ISM1: variants seen among roughly 807,000 people sequenced by gnomAD.
ISM1 encodes isthmin 1.
ISM1 carries 25 observed loss-of-function variants against 46.3 expected under a neutral mutation model. That is an observed-to-expected ratio of 0.54 (90% CI 0.39 to 0.75). The LOEUF is 0.75. Among genes scored for constraint, ISM1 ranks in the 30% least tolerant of loss-of-function variants. The pLI, the probability that ISM1 is intolerant of heterozygous loss-of-function variation, is 0.00. For missense variants in ISM1, 536 were observed against 625.4 expected, an observed-to-expected ratio of 0.86 and a Z score of 1.52; for synonymous variants, 255 against 256.7, an observed-to-expected ratio of 0.99 and a Z score of 0.06.
At chr20:13,316,691 T>C in the ISM1 span, among the ~76,000 whole-genome samples, 6 of 151,378 alleles carry the variant, frequency 4.0e-5, no homozygotes, top group African/African-American at 1.2e-4. Flanking sequence ...CACATGATCA[T>C]AGAAACAGAT....
chr20:13,279,436 C>T (rs1246328742), intron 2 of ISM1, among the ~76,000 whole-genome samples, 198 bp from the exon 3 acceptor site: 1 of 152,184 alleles, frequency 6.6e-6, no homozygotes, highest in African/African-American at 2.4e-5. Context: ...CAACCCAAAG[C>T]CATGTTCCAT....
the ISM1 span, among the ~76,000 whole-genome samples, chr20:13,325,798 A>T: frequency 6.6e-6 from 1 of 152,178 alleles, no homozygotes; most frequent in African/African-American, 2.4e-5. Context: ...CTTAACAGAA[A>T]ATTTTTCAAG....
chr20:13,279,497 C>T (rs982900485), intron 2 of ISM1, 137 bp from the exon 3 acceptor site: 91 of 822,186 alleles, frequency 1.1e-4, no homozygotes, highest in Middle Eastern at 3.5e-4. Flanking sequence ...CATTGTGTAT[C>T]GCCATGCAAT....
chr20:13,231,790 C>G (rs1568662333), intron 1 of ISM1, among the ~76,000 whole-genome samples: 1 of 152,146 alleles, frequency 6.6e-6, no homozygotes, highest in African/African-American at 2.4e-5. Flanking sequence ...GTTCTGTCTT[C>G]AAGTTTGGGT....
Position 13,270,715 on chromosome 20 carries a change from A to AT in ISM1, c.351dup (p.Ile118TyrfsTer19). ...AACTTTCCAGATCTTTCCAAAGCTG[A>AT]TATCAATGGGCAGAATCCAAATATC... is the stretch of plus-strand genomic sequence containing the variant. On this transcript the variant is annotated frameshift_variant, in exon 2 of 6. Transcript: ENST00000262487. LOFTEE classifies it high-confidence loss of function. 1.2e-6 allele frequency: 2 copies of AT among 1,613,918 alleles called. No homozygotes were observed. The highest frequency in any genetic ancestry group is 1.7e-6 in the Non-Finnish European group (2 of 1,179,834).
At chr20:13,247,516 GGGTGTGT>G (rs1414502281) in intron 1 of ISM1, among the ~76,000 whole-genome samples, 8 of 135,976 alleles carry the variant, frequency 5.9e-5, no homozygotes, top group African/African-American at 2.4e-4. Context: ...GCAAAGTGAG[GGGTGTGT>G]GTGTGTGTGT....
the ISM1 span, among the ~76,000 whole-genome samples, chr20:13,318,933 G>A: frequency 2.6e-5 from 4 of 152,290 alleles, no homozygotes; most frequent in African/African-American, 4.8e-5. Flanking sequence ...TATGCTATGT[G>A]TTACTATAAT....
At chr20:13,233,885 A>G (rs953851759) in intron 1 of ISM1, among the ~76,000 whole-genome samples, 1 of 152,204 alleles carries the variant, frequency 6.6e-6, no homozygotes, top group African/African-American at 2.4e-5. Flanking sequence ...ACAGACCACC[A>G]GTATTAGCAT....
At chr20:13,268,984 G>A (rs1353156346) in intron 1 of ISM1, among the ~76,000 whole-genome samples, 1 of 152,168 alleles carries the variant, frequency 6.6e-6, no homozygotes, top group Non-Finnish European at 1.5e-5. Flanking sequence ...AAGAAGATAT[G>A]TATCTGCTAG....
the ISM1 span, among the ~76,000 whole-genome samples, chr20:13,305,971 C>T: frequency 1.9e-4 from 29 of 152,168 alleles, no homozygotes; most frequent in African/African-American, 4.8e-5. Context: ...GATTGAGACA[C>T]AGCTGCAATA....
the ISM1 span, among the ~76,000 whole-genome samples, chr20:13,321,680 G>A: frequency 1.3e-5 from 2 of 152,218 alleles, no homozygotes; most frequent in Non-Finnish European, 2.9e-5. Flanking sequence ...TGCTTGTGAA[G>A]CTGATGAATG....
intron 1 of ISM1, among the ~76,000 whole-genome samples, chr20:13,250,267 G>T (rs1005502446): frequency 1.3e-5 from 2 of 152,106 alleles, no homozygotes; most frequent in Admixed American, 1.3e-4. Context: ...TCCAATTTTA[G>T]GTTTGGAATA....
the ISM1 span, among the ~76,000 whole-genome samples, chr20:13,323,173 T>C: frequency 6.6e-6 from 1 of 152,056 alleles, no homozygotes; most frequent in Non-Finnish European, 1.5e-5. Flanking sequence ...TCCCCAAATA[T>C]TACTTGCTAC....
intron 1 of ISM1, among the ~76,000 whole-genome samples, chr20:13,243,609 T>C (rs1254824203): frequency 6.6e-6 from 1 of 151,726 alleles, no homozygotes; most frequent in African/African-American, 2.4e-5. Flanking sequence ...CTGAATGCCA[T>C]TGACTGCCAT....
intron 1 of ISM1, among the ~76,000 whole-genome samples, chr20:13,269,603 T>C (rs1400575450): frequency 6.6e-6 from 1 of 152,158 alleles, no homozygotes; most frequent in Non-Finnish European, 1.5e-5. Flanking sequence ...GCTGTTCCTT[T>C]TGCTAAAATG....
At chr20:13,243,224 A>C (rs1399092624) in intron 1 of ISM1, among the ~76,000 whole-genome samples, 1 of 152,202 alleles carries the variant, frequency 6.6e-6, no homozygotes. Flanking sequence ...CATGGGCACA[A>C]CATTTAACAT....
At chr20:13,257,981 C>A (rs2039946410) in intron 1 of ISM1, among the ~76,000 whole-genome samples, 1 of 152,020 alleles carries the variant, frequency 6.6e-6, no homozygotes, top group Non-Finnish European at 1.5e-5. Context: ...TATCTAGGGG[C>A]CTCTCAGCCT....
At chr20:13,310,331 G>T in the ISM1 span, among the ~76,000 whole-genome samples, 10 of 152,188 alleles carry the variant, frequency 6.6e-5, no homozygotes, top group Middle Eastern at 3.4e-3. Flanking sequence ...GGGAAAGGGT[G>T]GTCTCTTCAA....
At chr20:13,317,809 T>A in the ISM1 span, among the ~76,000 whole-genome samples, 4 of 152,182 alleles carry the variant, frequency 2.6e-5, no homozygotes, top group African/African-American at 9.6e-5. Context: ...ATCATAGACC[T>A]AAATGTGAAA....
Sources: gnomAD v4.1 joint callset for allele counts (sites outside exome capture counted in the v4.1 genomes callset) on GRCh38, gnomAD v4.1.1 for gene constraint, MANE v1.5 for transcripts, NCBI Gene and HGNC (gene_info 2026-07-23, HGNC 2026-07-21) for gene names.